Variants in PCDHGA2 observed in about 807,000 individuals in gnomAD.
PCDHGA2 encodes the protein protocadherin gamma-A2.
A neutral mutation model predicts 59.2 loss-of-function variants in PCDHGA2; 40 were observed. The ratio of observed to expected loss-of-function variants is 0.68; its 90% CI spans 0.52 to 0.88. PCDHGA2 has a LOEUF of 0.88. PCDHGA2 is among the 40% of genes least tolerant of loss of function. PCDHGA2 has a pLI of 0.00. For missense variants in PCDHGA2, 1,226 were observed against 1,204.0 expected (o/e 1.02, Z -0.27); for synonymous variants, 560 against 526.0 (o/e 1.06, Z -0.89).
intron 1 of PCDHGA2, chr5:141,404,571 C>T: frequency 6.2e-7 from 1 of 1,613,720 alleles, no homozygotes; most frequent in Non-Finnish European, 8.5e-7. Flanking sequence ...AGTGGAAGCC[C>T]ACCACTTAGC....
At chr5:141,355,793 G>C (rs1157536797) in intron 1 of PCDHGA2, 1 of 1,613,456 alleles carries the variant, frequency 6.2e-7, no homozygotes, top group African/African-American at 1.3e-5. Flanking sequence ...GTGCTGGAAC[G>C]CGCTCTAGAT....
intron 1 of PCDHGA2, chr5:141,400,105 T>C (rs1282646842): frequency 6.2e-7 from 1 of 1,613,938 alleles, no homozygotes; most frequent in Non-Finnish European, 8.5e-7. Context: ...GCACTTGGTC[T>C]TTGCTGACAG....
chr5:141,344,196 G>C, intron 1 of PCDHGA2: 2 of 1,614,034 alleles, frequency 1.2e-6, no homozygotes, highest in Non-Finnish European at 1.7e-6. Flanking sequence ...CCTGGGGCTA[G>C]AGCCCCGGGA....
intron 1 of PCDHGA2, among the ~76,000 whole-genome samples, chr5:141,474,248 A>G (rs2099346089): frequency 6.6e-6 from 1 of 152,220 alleles, no homozygotes; most frequent in African/African-American, 2.4e-5. Context: ...TAGGGGAAAA[A>G]AAGACTGATA....
chr5:141,341,694 G>T, intron 1 of PCDHGA2: 5 of 539,772 alleles, frequency 9.3e-6, no homozygotes, highest in South Asian at 6.1e-5. Flanking sequence ...TCCATCCCTG[G>T]GCAAATCATC....
At chr5:141,388,261 T>G (rs1439243738) in intron 1 of PCDHGA2, 1 of 1,611,348 alleles carries the variant, frequency 6.2e-7, no homozygotes, top group East Asian at 2.2e-5. Context: ...ATCGAGGACA[T>G]TAATGACCAC....
chr5:141,414,864 G>A (rs766848727), intron 1 of PCDHGA2: 2 of 1,614,174 alleles, frequency 1.2e-6, no homozygotes, highest in South Asian at 2.2e-5. Context: ...ACGACAATGC[G>A]CCCGAGATCC....
At chr5:141,393,171 G>C (rs768471669) in intron 1 of PCDHGA2, 10 of 1,613,150 alleles carry the variant, frequency 6.2e-6, no homozygotes, top group Admixed American at 1.7e-5. Context: ...CTTTGGGGTA[G>C]AAATAGAAAT....
chr5:141,399,833 C>T (rs1233031581), intron 1 of PCDHGA2: 1 of 1,613,140 alleles, frequency 6.2e-7, no homozygotes, highest in Non-Finnish European at 8.5e-7. Context: ...GACGGCTCTG[C>T]GCTCTTCGAT....
chr5:141,466,486 T>C (rs1005010773), intron 1 of PCDHGA2, among the ~76,000 whole-genome samples: 1 of 152,240 alleles, frequency 6.6e-6, no homozygotes, highest in Non-Finnish European at 1.5e-5. Flanking sequence ...GTAGGTCTTC[T>C]TTAATTAGAG....
chr5:141,392,968 T>C (rs748824740), intron 1 of PCDHGA2: 1 of 1,613,910 alleles, frequency 6.2e-7, no homozygotes, highest in Non-Finnish European at 8.5e-7. Context: ...TCCAAGGACC[T>C]GGGGCTGGAC....
chr5:141,472,364 AC>A (rs2099278314), intron 1 of PCDHGA2, among the ~76,000 whole-genome samples: 1 of 151,866 alleles, frequency 6.6e-6, no homozygotes, highest in Non-Finnish European at 1.5e-5. Flanking sequence ...ACACGGTGAA[AC>A]CCCGTCTCCA....
intron 1 of PCDHGA2, chr5:141,395,337 T>G (rs1265011600): frequency 7.0e-7 from 1 of 1,433,514 alleles, no homozygotes; most frequent in African/African-American, 1.4e-5. Context: ...AAATAATTTT[T>G]AAGGTGTATC....
chr5:141,382,997 A>G lies in PCDHGA2; in HGVS notation c.2424+41602A>G, dbSNP rs1209270277. On this transcript the variant is annotated intron_variant, in intron 1 of 3. Transcript: ENST00000394576. Reference sequence around the variant, plus strand: ...GAAGCCTGGGCAGGACGTATTCTCTACTCCGTGTCGGAGGAGACGGACAAA... The same window carrying G: ...GAAGCCTGGGCAGGACGTATTCTCTGCTCCGTGTCGGAGGAGACGGACAAA... 1 of 1,613,426 alleles carries G rather than the reference A, an allele frequency of 6.2e-7. No individual in the cohort carries two copies. Among genetic ancestry groups the G allele is most frequent in the Non-Finnish European group, 8.5e-7 (1 of 1,179,728 alleles).
At chr5:141,402,807 T>TA in intron 1 of PCDHGA2, 1 of 1,165,464 alleles carries the variant, frequency 8.6e-7, no homozygotes, top group Non-Finnish European at 1.2e-6. Flanking sequence ...ACCCGGCAGA[T>TA]ACCACAAACC....
At chr5:141,456,217 A>G (rs1328039447) in intron 1 of PCDHGA2, among the ~76,000 whole-genome samples, 1 of 152,064 alleles carries the variant, frequency 6.6e-6, no homozygotes, top group East Asian at 1.9e-4. Context: ...CCCTGTGGCG[A>G]TATCAAACTA....
intron 1 of PCDHGA2, among the ~76,000 whole-genome samples, chr5:141,462,399 T>C (rs2099038838): frequency 6.6e-6 from 1 of 152,236 alleles, no homozygotes; most frequent in South Asian, 2.1e-4. Flanking sequence ...ATTTCTTTTA[T>C]GGCACAGAAT....
intron 1 of PCDHGA2, chr5:141,366,730 CAAAG>C: frequency 1.9e-6 from 3 of 1,613,020 alleles, no homozygotes; most frequent in Non-Finnish European, 2.5e-6. Flanking sequence ...TAGATGCAAA[CAAAG>C]AAGAACGGCG....
At chr5:141,505,563 T>C in intron 3 of PCDHGA2, 82 bp downstream of exon 3, 1 of 1,603,814 alleles carries the variant, frequency 6.2e-7, no homozygotes, top group Non-Finnish European at 8.5e-7. Flanking sequence ...GCCCACGGAC[T>C]GGATGTCAAA....
Sources: gnomAD v4.1 joint callset for allele counts (sites outside exome capture counted in the v4.1 genomes callset) on GRCh38, gnomAD v4.1.1 for gene constraint, MANE v1.5 for transcripts, NCBI Gene and HGNC (gene_info 2026-07-23, HGNC 2026-07-21) for gene names.